RERE: variants seen among roughly 807,000 people sequenced by gnomAD.
RERE encodes the protein arginine-glutamic acid dipeptide repeats protein.
In RERE, 40 loss-of-function variants were observed where a neutral mutation model predicts 146.1. The ratio of observed to expected loss-of-function variants is 0.27; its 90% confidence interval spans 0.21 to 0.36. The LOEUF is 0.36. Ranked by LOEUF, RERE falls within the 10% of genes least tolerant of loss-of-function variation. The pLI is 1.00. For missense variants in RERE, 1,933 were observed against 2,138.7 expected, an observed-to-expected ratio of 0.90 and a Z score of 1.90; for synonymous variants, 1,003 against 866.0, an observed-to-expected ratio of 1.16 and a Z score of -2.78.
intron 12 of RERE, among the ~76,000 whole-genome samples, chr1:8,390,862 G>A (rs532291562): frequency 5.9e-5 from 9 of 152,066 alleles, no homozygotes; most frequent in African/African-American, 1.7e-4. Flanking sequence ...CCTCCCTGAC[G>A]CTGTCCTCTC....
Position 8,748,078 on chromosome 1 carries a change from A to G in RERE, c.-145+69082T>C, listed in dbSNP as rs2124512431. 1.3e-5 allele frequency among the ~76,000 whole-genome samples: 2 copies of G among 152,256 alleles called. 1 individual carries two copies. The highest frequency in any genetic ancestry group is 4.1e-4 in the South Asian group (2 of 4,832). On this transcript the variant is annotated intron_variant, in intron 1 of 22. Transcript: ENST00000400908. ...CAAGCGTGAGCCACCACGCCCGGCC[A>G]TAACTTTCTATATTACTTAAGTAGT...
intron 11 of RERE, among the ~76,000 whole-genome samples, chr1:8,426,449 C>CAAAAA (rs36061391): frequency 9.1e-6 from 1 of 109,892 alleles, no homozygotes; most frequent in Non-Finnish European, 1.9e-5. Flanking sequence ...GACTCTGTCT[C>CAAAAA]AAAAAAAAAA....
chr1:8,733,149 T>C (rs1640126434), intron 1 of RERE, among the ~76,000 whole-genome samples: 1 of 152,088 alleles, frequency 6.6e-6, no homozygotes, highest in Admixed American at 6.5e-5. Context: ...AAAAGTGTTC[T>C]AAAGTATAAA....
chr1:8,757,131 T>G (rs1435347740), intron 1 of RERE, among the ~76,000 whole-genome samples: 1 of 150,818 alleles, frequency 6.6e-6, no homozygotes, highest in African/African-American at 2.4e-5. Flanking sequence ...TTACTGCTTC[T>G]GATGGCACTC....
intron 4 of RERE, among the ~76,000 whole-genome samples, chr1:8,567,603 T>C (rs1646167882): frequency 6.6e-6 from 1 of 152,238 alleles, no homozygotes; most frequent in Admixed American, 6.5e-5. Flanking sequence ...AACTAAATCA[T>C]CTCTGAAATG....
chr1:8,580,030 G>A (rs1443174212), intron 4 of RERE, among the ~76,000 whole-genome samples: 3 of 152,038 alleles, frequency 2.0e-5, no homozygotes, highest in Non-Finnish European at 4.4e-5. Context: ...AAAAACACAA[G>A]ATAAAGGATG....
intron 6 of RERE, among the ~76,000 whole-genome samples, chr1:8,543,342 G>T (rs145614881): frequency 6.6e-6 from 1 of 152,268 alleles, no homozygotes; most frequent in Non-Finnish European, 1.5e-5. Context: ...AAAGCCAGAA[G>T]AAATAGGTTC....
chr1:8,802,455 G>A (rs922196513), intron 1 of RERE, among the ~76,000 whole-genome samples: 2 of 152,204 alleles, frequency 1.3e-5, no homozygotes, highest in Admixed American at 1.3e-4. Context: ...CATTTCCCAA[G>A]TTTTCCAGGC....
intron 1 of RERE, among the ~76,000 whole-genome samples, chr1:8,768,052 A>C (rs1401927898): frequency 6.6e-6 from 1 of 152,202 alleles, no homozygotes; most frequent in South Asian, 2.1e-4. Flanking sequence ...ACAGATACAG[A>C]AGGACCACTT....
chr1:8,760,691 T>C (rs978188084), intron 1 of RERE, among the ~76,000 whole-genome samples: 1 of 152,212 alleles, frequency 6.6e-6, no homozygotes, highest in African/African-American at 2.4e-5. Context: ...ACTATAATTA[T>C]TCCCTTGGAA....
chr1:8,363,995 C>T, intron 15 of RERE, 61 bp downstream of exon 15: 1 of 1,499,834 alleles, frequency 6.7e-7, no homozygotes, highest in Non-Finnish European at 9.3e-7. Flanking sequence ...AGGCTCAAGC[C>T]CCCACACATC....
At chr1:8,480,670 A>C (rs1480679412) in intron 10 of RERE, among the ~76,000 whole-genome samples, 12 of 148,106 alleles carry the variant, frequency 8.1e-5, no homozygotes, top group Non-Finnish European at 1.8e-4. Flanking sequence ...TCCTGACCTA[A>C]GGTGATCCAC....
intron 10 of RERE, among the ~76,000 whole-genome samples, chr1:8,468,094 T>A (rs1458584051): frequency 6.6e-6 from 1 of 152,190 alleles, no homozygotes; most frequent in Non-Finnish European, 1.5e-5. Flanking sequence ...ATAAATCAAC[T>A]ATCTTAAAAC....
At chr1:8,754,254 C>T (rs1337966238) in intron 1 of RERE, among the ~76,000 whole-genome samples, 1 of 150,616 alleles carries the variant, frequency 6.6e-6, no homozygotes, top group South Asian at 2.1e-4. Context: ...ATCGACAGTA[C>T]TGACTGAATA....
chr1:8,614,061 G>A (rs1223998605), intron 4 of RERE, among the ~76,000 whole-genome samples: 5 of 152,066 alleles, frequency 3.3e-5, no homozygotes, highest in African/African-American at 7.2e-5. Flanking sequence ...GCTACAGCCC[G>A]ACCCAAGCCT....
intron 4 of RERE, among the ~76,000 whole-genome samples, chr1:8,561,289 AAC>A (rs992906103): frequency 2.6e-5 from 4 of 152,242 alleles, no homozygotes; most frequent in Non-Finnish European, 5.9e-5. Flanking sequence ...CCACAGATAA[AAC>A]ACACAAAGGT....
intron 21 of RERE, among the ~76,000 whole-genome samples, 195 bp downstream of exon 21, chr1:8,355,905 C>G (rs1437799885): frequency 1.3e-5 from 2 of 152,100 alleles, no homozygotes; most frequent in Non-Finnish European, 2.9e-5. Context: ...AAGGCTGATG[C>G]ATTTATGACC....
At chr1:8,642,784 TA>T (rs1318232546) in intron 2 of RERE, among the ~76,000 whole-genome samples, 7 of 152,156 alleles carry the variant, frequency 4.6e-5, no homozygotes, top group Non-Finnish European at 1.0e-4. Flanking sequence ...TTTCTGCATA[TA>T]AATATCAATC....
chr1:8,536,214 T>C (rs1298044136), intron 7 of RERE, among the ~76,000 whole-genome samples: 2 of 151,878 alleles, frequency 1.3e-5, no homozygotes, highest in African/African-American at 4.8e-5. Flanking sequence ...TTTACAGAAG[T>C]TTTCTGCAGG....
Sources: allele counts gnomAD v4.1 joint callset (sites outside exome capture counted in the v4.1 genomes callset), GRCh38; gene constraint gnomAD v4.1.1; transcripts MANE v1.5; gene names NCBI Gene and HGNC (gene_info 2026-07-23, HGNC 2026-07-21).